MARCHF1: variants seen among roughly 807,000 people sequenced by gnomAD.
The protein encoded by MARCHF1 is E3 ubiquitin-protein ligase MARCHF1.
In MARCHF1, 40 loss-of-function variants were observed where a neutral mutation model predicts 54.2. That is an observed-to-expected ratio of 0.74 (90% confidence interval 0.57 to 0.96). MARCHF1 has a LOEUF of 0.96. Among genes scored for constraint, MARCHF1 ranks in the 40% least tolerant of loss-of-function variants. The pLI is 0.00. For synonymous variants in MARCHF1, 236 were observed against 236.3 expected (o/e 1.00, Z 0.01); for missense variants, 586 against 656.5 (o/e 0.89, Z 1.17).
chr4:163,904,757 G>GAGACAGAGAGAGAC (rs1553962312), intron 3 of MARCHF1, among the ~76,000 whole-genome samples: 2 of 2,622 alleles, frequency 7.6e-4, no homozygotes, highest in African/African-American at 9.7e-4. Context: ...GTTTCCAGGA[G>GAGACAGAGAGAGAC]AGAGAAAGAG....
intron 4 of MARCHF1, among the ~76,000 whole-genome samples, chr4:163,848,365 A>C (rs1372875594): frequency 6.6e-6 from 1 of 151,870 alleles, no homozygotes; most frequent in Non-Finnish European, 1.5e-5. Context: ...TTTCTTTGTA[A>C]CTCCAGTCTA....
chr4:163,979,861 AT>A (rs1299209149), intron 3 of MARCHF1, among the ~76,000 whole-genome samples: 1 of 151,514 alleles, frequency 6.6e-6, no homozygotes, highest in Non-Finnish European at 1.5e-5. Context: ...CCACTTTTTG[AT>A]GGGGTTGTTT....
chr4:164,076,531 T>C (rs1455191462), intron 2 of MARCHF1, among the ~76,000 whole-genome samples: 4 of 152,172 alleles, frequency 2.6e-5, no homozygotes, highest in Non-Finnish European at 4.4e-5. Flanking sequence ...TGTTGGAAGT[T>C]GTGGCCAGGG....
intron 1 of MARCHF1, among the ~76,000 whole-genome samples, chr4:164,288,433 T>C (rs1275406419): frequency 6.6e-6 from 1 of 152,092 alleles, no homozygotes; most frequent in Non-Finnish European, 1.5e-5. Context: ...CAAAGATTTA[T>C]CTAAATGATG....
intron 4 of MARCHF1, among the ~76,000 whole-genome samples, chr4:163,832,339 T>C (rs1032625230): frequency 3.9e-5 from 6 of 152,148 alleles, no homozygotes; most frequent in Non-Finnish European, 8.8e-5. Flanking sequence ...TTTGCAACCC[T>C]TAATAAATCC....
At position 163,553,723 on chromosome 4, in the gene MARCHF1, G is replaced by A. The variant is rs150033283; in HGVS notation, c.1192-7980C>T. 7.9e-3 allele frequency among the ~76,000 whole-genome samples: 1,205 copies of A among 152,246 alleles called. 17 individuals are homozygous for A. Among genetic ancestry groups the A allele is most frequent in the African/African-American group, 0.028 (1,158 of 41,544 alleles). ...TTCCCAAAGACATACTGCTCTGGGTGACAGATTTCACAAAAGGTTAAAGGA... is the reference window on the plus strand; with the variant it reads ...TTCCCAAAGACATACTGCTCTGGGTAACAGATTTCACAAAAGGTTAAAGGA... On this transcript the variant is annotated intron_variant, in intron 8 of 9. Coordinates refer to ENST00000514618, the MANE Select transcript of MARCHF1 (RefSeq NM_001394959.1).
intron 4 of MARCHF1, among the ~76,000 whole-genome samples, chr4:163,757,056 G>A (rs1418861429): frequency 6.6e-6 from 1 of 152,140 alleles, no homozygotes; most frequent in Non-Finnish European, 1.5e-5. Context: ...AAATGAAAAT[G>A]GAAATTGAAA....
intron 1 of MARCHF1, among the ~76,000 whole-genome samples, chr4:164,159,138 T>C (rs980460697): frequency 2.6e-4 from 40 of 152,318 alleles, no homozygotes; most frequent in Middle Eastern, 3.4e-3. Context: ...TTTGCTCTTA[T>C]ACAAAATGGA....
intron 4 of MARCHF1, among the ~76,000 whole-genome samples, chr4:163,775,953 C>T (rs1219399715): frequency 6.6e-6 from 1 of 152,062 alleles, no homozygotes; most frequent in Non-Finnish European, 1.5e-5. Flanking sequence ...AGGTAAGACA[C>T]CTAGCTGGCA....
At chr4:164,357,203 A>G (rs2110911671) in intron 1 of MARCHF1, among the ~76,000 whole-genome samples, 1 of 152,234 alleles carries the variant, frequency 6.6e-6, no homozygotes, top group East Asian at 1.9e-4. Context: ...GAAGTCCCAA[A>G]TCAGTTTCAG....
In MARCHF1 at chr4:163,701,900, C is replaced by G. The variant is rs527926265; in HGVS notation, c.112-1037G>C. On this transcript the variant is annotated intron_variant, in intron 4 of 9. Coordinates refer to ENST00000514618, the MANE Select transcript of MARCHF1 (RefSeq NM_001394959.1). ...GCCTGAGTAGGCAACTGCAATGCAT[C>G]TTGACATAGGTCATTTTTGAGAACT... Among the ~76,000 whole-genome samples, 11 of 152,088 alleles carry G rather than the reference C, an allele frequency of 7.2e-5. No homozygotes were observed. In the South Asian group the frequency reaches 1.0e-3, roughly 14 times the overall value.
intron 3 of MARCHF1, among the ~76,000 whole-genome samples, chr4:163,942,851 A>T (rs1218968895): frequency 1.3e-5 from 2 of 151,860 alleles, no homozygotes; most frequent in Non-Finnish European, 2.9e-5. Flanking sequence ...TCTCTTACTC[A>T]TTAGTTTCTT....
intron 3 of MARCHF1, among the ~76,000 whole-genome samples, chr4:163,858,579 T>C (rs1749833508): frequency 6.6e-6 from 1 of 152,220 alleles, no homozygotes; most frequent in Admixed American, 6.5e-5. Context: ...ATTTAGCTAA[T>C]GTGTCATTAA....
intron 1 of MARCHF1, among the ~76,000 whole-genome samples, chr4:164,155,424 A>C (rs1730051796): frequency 6.6e-6 from 1 of 152,216 alleles, no homozygotes; most frequent in South Asian, 2.1e-4. Context: ...AATTCCACTA[A>C]CTTTACTGAA....
At chr4:164,107,308 T>C (rs1755727930) in intron 2 of MARCHF1, among the ~76,000 whole-genome samples, 1 of 152,190 alleles carries the variant, frequency 6.6e-6, no homozygotes. Context: ...AATGATATAT[T>C]GAGAAGACAT....
At chr4:164,159,778 G>C (rs1026460528) in intron 1 of MARCHF1, among the ~76,000 whole-genome samples, 5 of 152,158 alleles carry the variant, frequency 3.3e-5, no homozygotes, top group Non-Finnish European at 7.4e-5. Flanking sequence ...AGGAAATAGA[G>C]TATAGTGGAA....
At chr4:164,322,942 T>G (rs550809483) in intron 1 of MARCHF1, among the ~76,000 whole-genome samples, 4 of 151,956 alleles carry the variant, frequency 2.6e-5, no homozygotes, top group Non-Finnish European at 2.9e-5. Context: ...TAAAAACTGT[T>G]AGAAATCAAA....
chr4:163,659,841 C>A (rs1579167948), intron 5 of MARCHF1, among the ~76,000 whole-genome samples: 1 of 152,068 alleles, frequency 6.6e-6, no homozygotes. Context: ...AAATCAAAAG[C>A]ACAATGAGAT....
intron 4 of MARCHF1, among the ~76,000 whole-genome samples, chr4:163,793,392 A>C (rs1747822660): frequency 6.6e-6 from 1 of 152,208 alleles, no homozygotes; most frequent in South Asian, 2.1e-4. Flanking sequence ...TTGGGAAACA[A>C]AGATAGGGCC....
Sources: gnomAD v4.1 joint callset for allele counts (sites outside exome capture counted in the v4.1 genomes callset) on GRCh38, gnomAD v4.1.1 for gene constraint, MANE v1.5 for transcripts, NCBI Gene and HGNC (gene_info 2026-07-23, HGNC 2026-07-21) for gene names.